SH3PXD2B: variants seen among roughly 807,000 people sequenced by gnomAD.
The protein encoded by SH3PXD2B is SH3 and PX domains 2B, also known as SH3 and PX domain-containing protein 2B.
Under a neutral mutation model 73.1 loss-of-function variants are expected in SH3PXD2B, and 37 were observed. That is an observed-to-expected ratio of 0.51 (90% CI 0.39 to 0.67). The LOEUF (loss-of-function observed/expected upper bound fraction) is 0.67. SH3PXD2B is among the 30% of genes least tolerant of loss of function. The pLI is 0.00. For synonymous variants in SH3PXD2B, 457 were observed against 480.5 expected (o/e 0.95, Z 0.64); for missense variants, 1,053 against 1,197.8 (o/e 0.88, Z 1.78).
intron 1 of SH3PXD2B, among the ~76,000 whole-genome samples, chr5:172,453,229 C>T (rs1759840966): frequency 6.6e-6 from 1 of 152,004 alleles, no homozygotes; most frequent in Non-Finnish European, 1.5e-5. Flanking sequence ...AGGATTTTTT[C>T]CCTCCCTCTT....
chr5:172,397,695 A>G (rs565424594), intron 3 of SH3PXD2B, among the ~76,000 whole-genome samples: 1 of 152,214 alleles, frequency 6.6e-6, no homozygotes, highest in Non-Finnish European at 1.5e-5. Flanking sequence ...GGCACCCAAC[A>G]TGGTCTTTCT....
intron 3 of SH3PXD2B, among the ~76,000 whole-genome samples, chr5:172,395,211 A>G (rs1758267689): frequency 1.3e-5 from 2 of 152,062 alleles, no homozygotes; most frequent in Admixed American, 1.3e-4. Context: ...TGCACACATT[A>G]TTTATTTTTA....
Position 172,353,072 on chromosome 5 carries a change from G to T in SH3PXD2B, c.785+816C>A, listed in dbSNP as rs1380412298. ...GTTTGTCTTCTGTACCAGGTGGTGT[G>T]AGCTATTGTATCTTGCTCACTGTTG... On this transcript the variant is annotated intron_variant, in intron 9 of 12. Transcript: ENST00000311601. The surrounding 1 kb of genome is among the most constrained non-coding windows in gnomAD (Gnocchi z 4.3). 6.6e-6 allele frequency among the ~76,000 whole-genome samples: 1 copy of T among 152,118 alleles called. No individual in the cohort carries two copies. Among genetic ancestry groups the T allele is most frequent in the Non-Finnish European group, 1.5e-5 (1 of 68,028 alleles).
intron 1 of SH3PXD2B, among the ~76,000 whole-genome samples, chr5:172,438,630 C>A (rs569549097): frequency 3.2e-4 from 48 of 152,126 alleles, no homozygotes; most frequent in African/African-American, 1.2e-3. Flanking sequence ...GGCATGGGAC[C>A]CAACCCAAAA....
At chr5:172,437,588 C>G (rs1293995828) in intron 1 of SH3PXD2B, among the ~76,000 whole-genome samples, 9 of 152,268 alleles carry the variant, frequency 5.9e-5, no homozygotes, top group Admixed American at 5.9e-4. Context: ...CAGGCCAGAG[C>G]TTTCCGGTCC....
Position 172,339,792 on chromosome 5 carries a change from G to A in SH3PXD2B, c.1313C>T (p.Ala438Val), listed in dbSNP as rs2113256488. Reference protein sequence around the residue: ...TSNASRPNFLAPLPHEVTQLR... With the variant: ...TSNASRPNFLVPLPHEVTQLR... ...CTGGGTCACCTCGTGGGGCAGGGGA[G>A]CCAGAAAGTTGGGTCTCGACGCGTT... The change falls in exon 13 of 13, where the codon GCT becomes GTT. Residue 438 changes from alanine (A) to valine (V), a missense_variant. By Grantham distance (64) the Ala-to-Val change is moderately conservative. Coordinates refer to ENST00000311601, the MANE Select transcript of SH3PXD2B (RefSeq NM_001017995.3). This position sits in a 1 kb window ranked among gnomAD's most constrained non-coding sequence, Gnocchi z 6.1. The A allele has an allele frequency of 3.1e-6, 5 of 1,613,272 alleles. No individual in the cohort carries two copies. The East Asian group carries it at 8.9e-5, about 29-fold the overall frequency.
chr5:172,326,658 T>C (rs1316925495), intron 12 of SH3PXD2B, among the ~76,000 whole-genome samples: 2 of 152,202 alleles, frequency 1.3e-5, no homozygotes, highest in Non-Finnish European at 2.9e-5. Context: ...CTGTAGTCCT[T>C]GGGCTTAACC....
rs1450376479 is a variant in SH3PXD2B, at chr5:172,373,782, AT to A, written c.427+7del. 6.2e-7 allele frequency: 1 copy of A among 1,613,474 alleles called. No individual in the cohort carries two copies. The highest frequency in any genetic ancestry group is 8.5e-7 in the Non-Finnish European group (1 of 1,179,778). On this transcript the variant is annotated splice_region_variant and intron_variant, in intron 6 of 12. Coordinates refer to ENST00000311601, the MANE Select transcript of SH3PXD2B (RefSeq NM_001017995.3). Reference sequence around the variant, plus strand: ...GAACGAAGAGAAGAAAATAGAAAATATTCTTACCAGATTTCTTTTTCCCAAT... The same window carrying A: ...GAACGAAGAGAAGAAAATAGAAAATATCTTACCAGATTTCTTTTTCCCAAT...
At chr5:172,452,699 G>A (rs1759824184) in intron 1 of SH3PXD2B, among the ~76,000 whole-genome samples, 1 of 152,252 alleles carries the variant, frequency 6.6e-6, no homozygotes, top group South Asian at 2.1e-4. Context: ...CACAGACCTG[G>A]TGGGAGGTGG....
downstream of SH3PXD2B, among the ~76,000 whole-genome samples, chr5:172,329,018 C>T (rs1460566301): frequency 1.0e-5 from 1 of 95,348 alleles, no homozygotes; most frequent in Non-Finnish European, 2.3e-5. Context: ...CATATATATA[C>T]ATATATACAT....
intron 5 of SH3PXD2B, among the ~76,000 whole-genome samples, chr5:172,381,351 C>T (rs1757940789): frequency 1.3e-5 from 2 of 152,216 alleles, no homozygotes; most frequent in Non-Finnish European, 2.9e-5. Flanking sequence ...TCTCTTTTCC[C>T]CACTGCTATT....
Position 172,333,589 on chromosome 5 carries a change from C to T in SH3PXD2B, c.*4780G>A, listed in dbSNP as rs2113229260. The T allele has an allele frequency of 7.9e-7, 1 of 1,263,252 alleles. No individual in the cohort carries two copies. The highest frequency in any genetic ancestry group is 5.6e-5 in the East Asian group (1 of 17,730). The allele number at this position is 1,263,252 out of a possible 1,614,324, so 78.3% of individuals were successfully genotyped here. Reference sequence around the variant, plus strand: ...CAAATGGTAAAGTATATAGCCTACACATGCTACAGCTAGTTGTTCTCACCC... The same window carrying T: ...CAAATGGTAAAGTATATAGCCTACATATGCTACAGCTAGTTGTTCTCACCC... On this transcript the variant is annotated 3_prime_UTR_variant, in exon 13 of 13. Coordinates refer to ENST00000311601, the MANE Select transcript of SH3PXD2B (RefSeq NM_001017995.3).
intron 12 of SH3PXD2B, among the ~76,000 whole-genome samples, chr5:172,341,107 G>A (rs1756839880): frequency 6.6e-6 from 1 of 152,188 alleles, no homozygotes; most frequent in Non-Finnish European, 1.5e-5. Flanking sequence ...CCAGCACTGC[G>A]TGGCTGAATT....
intron 1 of SH3PXD2B, among the ~76,000 whole-genome samples, chr5:172,437,905 A>G (rs1759431650): frequency 6.6e-6 from 1 of 152,136 alleles, no homozygotes; most frequent in African/African-American, 2.4e-5. Flanking sequence ...GGAGAGGAGT[A>G]GCCTCCAAAG....
chr5:172,406,450 T>C, intron 2 of SH3PXD2B, 98 bp from the exon 3 acceptor site: 1 of 1,399,766 alleles, frequency 7.1e-7, no homozygotes, highest in Middle Eastern at 1.8e-4. Context: ...TGTGATGTGA[T>C]ATACTAAAAG....
At chr5:172,363,139 C>A (rs1757435723) in intron 6 of SH3PXD2B, among the ~76,000 whole-genome samples, 1 of 152,152 alleles carries the variant, frequency 6.6e-6, no homozygotes, top group Admixed American at 6.5e-5. Flanking sequence ...AGAGGGAAAG[C>A]TCATTCATTC....
rs151029220 is a variant in SH3PXD2B, at chr5:172,381,614, G to A, written c.401+422C>T. On this transcript the variant is annotated intron_variant, in intron 5 of 12. Coordinates refer to ENST00000311601, the MANE Select transcript of SH3PXD2B (RefSeq NM_001017995.3). ...GCCTGGCTGGTCAGGATGAAATCCC[G>A]GCCCCGTTGCTCACCGGCAGTGGGG... 6.3e-3 allele frequency among the ~76,000 whole-genome samples: 957 copies of A among 152,226 alleles called. 4 individuals are homozygous for A. Among genetic ancestry groups the A allele is most frequent in the South Asian group, 0.027 (132 of 4,812 alleles).
Position 172,336,271 on chromosome 5 carries a change from T to C in SH3PXD2B, c.*2098A>G. 2 of 985,476 alleles carry C rather than the reference T, an allele frequency of 2.0e-6. No homozygotes were observed. Among genetic ancestry groups the C allele is most frequent in the Non-Finnish European group, 2.4e-6 (2 of 829,938 alleles). 61.0% of individuals were successfully genotyped at this position (985,476 alleles called of 1,614,324 possible). ...TTCACAAAAGTTGTTTAAACCAAAG[T>C]GGATCAAGAACTCAGGAAAACTGCC... On this transcript the variant is annotated 3_prime_UTR_variant, in exon 13 of 13. Coordinates refer to ENST00000311601, the MANE Select transcript of SH3PXD2B (RefSeq NM_001017995.3).
chr5:172,354,039 G>C, intron 8 of SH3PXD2B, 34 bp from the exon 9 acceptor site: 1 of 1,585,986 alleles, frequency 6.3e-7, no homozygotes, highest in Non-Finnish European at 8.7e-7. Context: ...GGTCAGAAGA[G>C]GACACCAAGA....
Sources: allele counts gnomAD v4.1 joint callset (sites outside exome capture counted in the v4.1 genomes callset), GRCh38; gene constraint gnomAD v4.1.1; non-coding constraint Gnocchi (gnomAD v3.1); transcripts MANE v1.5; gene names NCBI Gene and HGNC (gene_info 2026-07-23, HGNC 2026-07-21).